Variants in PCAT7 observed in about 807,000 individuals in gnomAD.
The protein encoded by PCAT7 is prostate cancer associated transcript 7, also known as prostate cancer associated transcript 7 (non-protein coding).
chr9:94,557,015 C>T (rs1008378800), intron 1 of PCAT7, among the ~76,000 whole-genome samples: 3 of 151,524 alleles, frequency 2.0e-5, no homozygotes, highest in African/African-American at 7.3e-5. Flanking sequence ...TTTCTGATTT[C>T]TCTATTCTGT....
At chr9:94,554,806 AG>A (rs1465265485), upstream of PCAT7, among the ~76,000 whole-genome samples, 1 of 152,186 alleles carries the variant, frequency 6.6e-6, no homozygotes, top group African/African-American at 2.4e-5. Context: ...TCCAGGCTCC[AG>A]GGGGCGAAAA....
At chr9:94,574,249 C>T (rs4314706) in intron 3 of PCAT7, among the ~76,000 whole-genome samples, 64,657 of 151,876 alleles carry the variant, frequency 0.43, 14,505 homozygotes, top group Admixed American at 0.52. Flanking sequence ...AAAAATTGTC[C>T]TCCAGAAAGA....
At chr9:94,571,563 A>C in intron 2 of PCAT7, 1 of 1,613,964 alleles carries the variant, frequency 6.2e-7, no homozygotes, top group Non-Finnish European at 8.5e-7. Context: ...TTGCGGCCAC[A>C]CTGCAGGGCA....
chr9:94,557,306 G>A (rs746253537), intron 1 of PCAT7, among the ~76,000 whole-genome samples: 26 of 152,236 alleles, frequency 1.7e-4, no homozygotes, highest in Middle Eastern at 3.4e-3. Context: ...TCTGTAGATC[G>A]CATTGGGTGA....
chr9:94,555,638 G>A (rs1348300083), intron 1 of PCAT7, among the ~76,000 whole-genome samples: 1 of 151,756 alleles, frequency 6.6e-6, no homozygotes, highest in African/African-American at 2.4e-5. Flanking sequence ...AAAGATGGTG[G>A]GGAGAGAAGT....
chr9:94,573,186 A>G (rs1827286215), intron 3 of PCAT7: 1 of 152,332 alleles, frequency 6.6e-6, no homozygotes, highest in South Asian at 2.1e-4. Flanking sequence ...GTCTTTCACC[A>G]TTAAATGTAA....
At chr9:94,569,786 C>T (rs989347489) in intron 2 of PCAT7, 1 of 152,178 alleles carries the variant, frequency 6.6e-6, no homozygotes, top group East Asian at 1.9e-4. Context: ...AGGAGGTGGT[C>T]TCTCTGTGCC....
intron 2 of PCAT7, among the ~76,000 whole-genome samples, chr9:94,560,667 T>C (rs1827084116): frequency 6.7e-6 from 1 of 149,680 alleles, no homozygotes; most frequent in African/African-American, 2.4e-5. Context: ...GAGTCATATA[T>C]TATGGTAATT....
intron 2 of PCAT7, among the ~76,000 whole-genome samples, chr9:94,571,939 A>G (rs546849949): frequency 1.3e-5 from 2 of 152,294 alleles, no homozygotes; most frequent in African/African-American, 4.8e-5. Context: ...CAGATCACTG[A>G]GCTGAGCGTG....
In PCAT7 at chr9:94,560,699, T is replaced by C. The variant is rs534447037; in HGVS notation, n.441+1547T>C. On this transcript the variant is annotated intron_variant and non_coding_transcript_variant, in intron 2 of 8. Transcript: ENST00000647389. ...AATTTTTTTCTATTTTTCTATTATA[T>C]ATTTATATGTTATTATATATTATAT... Among the ~76,000 whole-genome samples the C allele has an allele frequency of 5.4e-5, 8 of 148,070 alleles. No individual in the cohort carries two copies. The East Asian group carries it at 1.6e-3, about 29-fold the overall frequency.
chr9:94,572,713 AACACACACATGAGTTT>A (rs1254154064), intron 2 of PCAT7, among the ~76,000 whole-genome samples: 3 of 152,022 alleles, frequency 2.0e-5, no homozygotes, highest in Non-Finnish European at 4.4e-5. Context: ...ACACACACAC[AACACACACATGAGTTT>A]ACACACACAC....
At chr9:94,566,313 AC>A (rs750601380) in intron 2 of PCAT7, among the ~76,000 whole-genome samples, 62 of 152,248 alleles carry the variant, frequency 4.1e-4, no homozygotes, top group Non-Finnish European at 7.5e-4. Context: ...TTTTGGGTTT[AC>A]CGGAATGAGG....
chr9:94,563,388 C>T (rs772991961), intron 2 of PCAT7: 1 of 1,613,994 alleles, frequency 6.2e-7, no homozygotes, highest in African/African-American at 1.3e-5. Context: ...GAAGATTCCT[C>T]CATAGACCAG....
At chr9:94,571,498 GGA>G in intron 2 of PCAT7, 1 of 1,613,858 alleles carries the variant, frequency 6.2e-7, no homozygotes, top group Non-Finnish European at 8.5e-7. Context: ...CTTGCCCTGT[GGA>G]GAGAGCCACC....
intron 2 of PCAT7, chr9:94,567,417 TGAAGAGAGATGCCAGGAA>T: frequency 6.2e-7 from 1 of 1,612,658 alleles, no homozygotes; most frequent in South Asian, 1.1e-5. Flanking sequence ...CCTAGCAACA[TGAAGAGAGATGCCAGGAA>T]GAAGAGAGAA....
chr9:94,565,958 C>G (rs547718869), intron 2 of PCAT7, among the ~76,000 whole-genome samples: 10 of 152,192 alleles, frequency 6.6e-5, no homozygotes, highest in African/African-American at 2.4e-4. Flanking sequence ...ACATCCTTGG[C>G]CCACATCTGC....
upstream of PCAT7, among the ~76,000 whole-genome samples, chr9:94,554,846 G>A (rs141491599): frequency 6.6e-5 from 10 of 152,314 alleles, no homozygotes; most frequent in South Asian, 4.1e-4. Flanking sequence ...TCTTTAAGCC[G>A]GGTACGTAGT....
intron 2 of PCAT7, among the ~76,000 whole-genome samples, chr9:94,562,521 C>T (rs1467058372): frequency 6.6e-6 from 1 of 152,066 alleles, no homozygotes; most frequent in Non-Finnish European, 1.5e-5. Context: ...GCTTCATGTG[C>T]TGTGTGAGAT....
chr9:94,567,464 C>T (rs539758073), intron 2 of PCAT7: 73 of 1,598,016 alleles, frequency 4.6e-5, no homozygotes, highest in East Asian at 1.3e-4. Context: ...ACAAGCCAAC[C>T]GCACAATCCC....
Sources: allele counts gnomAD v4.1 joint callset (sites outside exome capture counted in the v4.1 genomes callset), GRCh38; gene constraint gnomAD v4.1.1; transcripts MANE v1.5; gene names NCBI Gene and HGNC (gene_info 2026-07-23, HGNC 2026-07-21).